The following APBB2 variants were observed in gnomAD, a reference collection of about 807,000 sequenced individuals.
The protein encoded by APBB2 is Fe65-like 1.
Under a neutral mutation model 82.5 loss-of-function variants are expected in APBB2, and 38 were observed. The observed-to-expected ratio is 0.46, with a 90% CI of 0.36 to 0.60. APBB2 has a LOEUF of 0.60. Among genes scored for constraint, APBB2 ranks in the 20% least tolerant of loss-of-function variants. The pLI is 0.00. For missense variants in APBB2, 772 were observed against 972.3 expected, an observed-to-expected ratio of 0.79 and a Z score of 2.74; for synonymous variants, 341 against 368.2, an observed-to-expected ratio of 0.93 and a Z score of 0.85.
At chr4:40,977,338 G>A (rs1057204833) in intron 6 of APBB2, among the ~76,000 whole-genome samples, 24 of 147,830 alleles carry the variant, frequency 1.6e-4, no homozygotes, top group African/African-American at 2.5e-4. Context: ...TTTTTAAGAC[G>A]GAGTTTTGCT....
intron 12 of APBB2, among the ~76,000 whole-genome samples, chr4:40,872,137 G>A (rs976310551): frequency 1.3e-5 from 2 of 152,238 alleles, no homozygotes; most frequent in Admixed American, 1.3e-4. Flanking sequence ...TTCAGTCAGC[G>A]CATCTTTTCC....
chr4:41,004,973 T>C (rs138876737), intron 6 of APBB2, among the ~76,000 whole-genome samples: 3 of 151,846 alleles, frequency 2.0e-5, no homozygotes, highest in Admixed American at 6.6e-5. Flanking sequence ...ATATGACCAA[T>C]ACTGCTCAGT....
chr4:41,104,825 G>A (rs1443516928), intron 2 of APBB2, among the ~76,000 whole-genome samples: 5 of 152,134 alleles, frequency 3.3e-5, no homozygotes, highest in Non-Finnish European at 5.9e-5. Flanking sequence ...TGCAAAGGAC[G>A]TGATTTAGTT....
chr4:41,089,954 T>C (rs1324310266), intron 3 of APBB2, among the ~76,000 whole-genome samples: 1 of 152,224 alleles, frequency 6.6e-6, no homozygotes, highest in African/African-American at 2.4e-5. Flanking sequence ...CATATATTTA[T>C]ATAACGAAAC....
chr4:40,890,811 G>A (rs767195552), intron 11 of APBB2: 9 of 214,844 alleles, frequency 4.2e-5, no homozygotes, highest in East Asian at 1.2e-4. Flanking sequence ...TGGAGAATAC[G>A]TCTTTTACTA....
chr4:41,029,613 C>T (rs1344447813), intron 5 of APBB2, among the ~76,000 whole-genome samples: 1 of 152,206 alleles, frequency 6.6e-6, no homozygotes, highest in Admixed American at 6.5e-5. Flanking sequence ...TAAACTCAAT[C>T]TTAACGAGCT....
At chr4:41,106,779 A>G (rs1747419791) in intron 2 of APBB2, among the ~76,000 whole-genome samples, 1 of 152,142 alleles carries the variant, frequency 6.6e-6, no homozygotes, top group Non-Finnish European at 1.5e-5. Context: ...CCTGGCCTAG[A>G]TTAGGTACAT....
intron 6 of APBB2, among the ~76,000 whole-genome samples, chr4:40,955,299 G>A (rs1322169572): frequency 6.6e-6 from 1 of 152,192 alleles, no homozygotes; most frequent in Non-Finnish European, 1.5e-5. Flanking sequence ...CAAGGGCAAG[G>A]TCATGTGGCT....
chr4:41,000,861 TA>T (rs1369686251), intron 6 of APBB2, among the ~76,000 whole-genome samples: 22 of 146,650 alleles, frequency 1.5e-4, no homozygotes, highest in Non-Finnish European at 1.7e-4. Context: ...CACACAAAGT[TA>T]AAAAAAAAAG....
chr4:40,831,635 C>T (rs1252119993), intron 12 of APBB2, among the ~76,000 whole-genome samples: 1 of 152,092 alleles, frequency 6.6e-6, no homozygotes, highest in Non-Finnish European at 1.5e-5. Context: ...TAAACATGTG[C>T]ACAAACAATG....
At chr4:41,050,605 T>G (rs1222293867) in intron 4 of APBB2, among the ~76,000 whole-genome samples, 1 of 151,970 alleles carries the variant, frequency 6.6e-6, no homozygotes, top group Non-Finnish European at 1.5e-5. Flanking sequence ...CCCTGGAAAA[T>G]CAAGCCTGAA....
intron 15 of APBB2, 69 bp downstream of exon 15, chr4:40,825,818 G>A (rs1273854736): frequency 6.7e-5 from 84 of 1,256,004 alleles, no homozygotes; most frequent in East Asian, 1.9e-4. Flanking sequence ...CACCCTCCTC[G>A]GAGGGCGAAC....
intron 3 of APBB2, among the ~76,000 whole-genome samples, chr4:41,075,867 A>C (rs1031963875): frequency 6.6e-6 from 1 of 152,254 alleles, no homozygotes; most frequent in African/African-American, 2.4e-5. Flanking sequence ...TAATCTCTGA[A>C]TAAAACTGAA....
At chr4:40,970,213 G>C (rs1448219145) in intron 6 of APBB2, among the ~76,000 whole-genome samples, 1 of 152,040 alleles carries the variant, frequency 6.6e-6, no homozygotes, top group Non-Finnish European at 1.5e-5. Flanking sequence ...TGGACATCTT[G>C]GCATGACTAT....
chr4:40,856,908 T>A, intron 12 of APBB2: 4 of 974,992 alleles, frequency 4.1e-6, no homozygotes, highest in Non-Finnish European at 4.9e-6. Context: ...GCAGCCTTTG[T>A]CCCGCAGGTC....
At chr4:41,073,284 T>A (rs987333378) in intron 3 of APBB2, among the ~76,000 whole-genome samples, 1 of 152,238 alleles carries the variant, frequency 6.6e-6, no homozygotes, top group South Asian at 2.1e-4. Context: ...TTCCCCATTA[T>A]GATTTTCCCA....
At position 41,032,778 on chromosome 4, in the gene APBB2, CT is replaced by C. The variant is rs11421268; in HGVS notation, c.19+457del. 1.1e-3 allele frequency among the ~76,000 whole-genome samples: 92 copies of C among 84,310 alleles called. 1 individual carries two copies. The highest frequency in any genetic ancestry group is 1.3e-3 in the Non-Finnish European group (61 of 48,064). 55.3% of individuals were successfully genotyped at this position (84,310 alleles called of 152,430 possible). ...TGATTTTAAAGATTCATTTTTCTTT[CT>C]TTTTTTTTTTTTTTTTTTTTTTTGA... On this transcript the variant is annotated intron_variant, in intron 5 of 17. Coordinates refer to ENST00000508593, the MANE Select transcript of APBB2 (RefSeq NM_004307.2).
intron 3 of APBB2, among the ~76,000 whole-genome samples, chr4:41,078,623 C>G (rs917861240): frequency 6.6e-6 from 1 of 152,164 alleles, no homozygotes; most frequent in African/African-American, 2.4e-5. Flanking sequence ...TTAGTTAACA[C>G]ATGGTGAAGG....
At chr4:40,962,695 T>C (rs1430928343) in intron 6 of APBB2, among the ~76,000 whole-genome samples, 1 of 150,918 alleles carries the variant, frequency 6.6e-6, no homozygotes, top group Non-Finnish European at 1.5e-5. Context: ...AGTATCTATA[T>C]GAATGGGAAA....
Sources: gnomAD v4.1 joint callset for allele counts (sites outside exome capture counted in the v4.1 genomes callset) on GRCh38, gnomAD v4.1.1 for gene constraint, MANE v1.5 for transcripts, NCBI Gene and HGNC (gene_info 2026-07-23, HGNC 2026-07-21) for gene names.